Variants in NELL1 observed in about 807,000 individuals in gnomAD.
The protein encoded by NELL1 is neural EGFL like 1.
Under a neutral mutation model 107.4 loss-of-function variants are expected in NELL1, and 76 were observed. That is an observed-to-expected ratio of 0.71 (90% CI 0.59 to 0.86). The LOEUF (loss-of-function observed/expected upper bound fraction) is 0.86, where lower values mean the gene tolerates loss of function less well. NELL1 is among the 40% of genes least tolerant of loss of function. NELL1 has a pLI of 0.00. For synonymous variants in NELL1, 353 were observed against 341.2 expected (o/e 1.03, Z -0.38); for missense variants, 1,024 against 1,005.5 (o/e 1.02, Z -0.25).
intron 14 of NELL1, among the ~76,000 whole-genome samples, chr11:21,237,211 C>A (rs1029667998): frequency 6.6e-6 from 1 of 152,056 alleles, no homozygotes; most frequent in African/African-American, 2.4e-5. Context: ...ACTACCTGTA[C>A]CTTGAGACTG....
chr11:21,244,492 T>G (rs1015965368), intron 14 of NELL1, among the ~76,000 whole-genome samples: 5 of 152,168 alleles, frequency 3.3e-5, no homozygotes, highest in Non-Finnish European at 5.9e-5. Flanking sequence ...AATCTCAATG[T>G]AGACCAAGAT....
intron 3 of NELL1, among the ~76,000 whole-genome samples, chr11:20,806,853 T>G (rs987410233): frequency 3.9e-5 from 6 of 152,180 alleles, no homozygotes; most frequent in African/African-American, 1.4e-4. Flanking sequence ...CATTCTTCAG[T>G]ATGTTAATTA....
chr11:21,030,007 C>T (rs1274664384), intron 12 of NELL1, among the ~76,000 whole-genome samples: 1 of 152,096 alleles, frequency 6.6e-6, no homozygotes, highest in Non-Finnish European at 1.5e-5. Context: ...GAGAGATTGC[C>T]AGTACAGAAG....
intron 12 of NELL1, among the ~76,000 whole-genome samples, chr11:21,019,068 G>A (rs1415252046): frequency 6.6e-6 from 1 of 152,074 alleles, no homozygotes; most frequent in Non-Finnish European, 1.5e-5. Context: ...TAGAGTTTGA[G>A]ATAAAAGGGT....
intron 15 of NELL1, among the ~76,000 whole-genome samples, chr11:21,426,290 GGTTT>G (rs1852820051): frequency 6.6e-6 from 1 of 152,106 alleles, no homozygotes; most frequent in Non-Finnish European, 1.5e-5. Context: ...AATCTACTGG[GGTTT>G]GTTCTGTGTC....
intron 13 of NELL1, among the ~76,000 whole-genome samples, chr11:21,173,015 G>A (rs1248120240): frequency 6.6e-6 from 1 of 151,716 alleles, no homozygotes; most frequent in Admixed American, 6.6e-5. Flanking sequence ...AGGAATAAAA[G>A]AGTTTGAGTT....
intron 14 of NELL1, among the ~76,000 whole-genome samples, chr11:21,312,557 T>C (rs979271930): frequency 3.3e-5 from 5 of 152,272 alleles, no homozygotes; most frequent in Non-Finnish European, 7.4e-5. Context: ...ATTTCATTCT[T>C]ACATCTTTGA....
At chr11:20,728,643 G>T (rs1308028585) in intron 2 of NELL1, among the ~76,000 whole-genome samples, 2 of 151,390 alleles carry the variant, frequency 1.3e-5, no homozygotes, top group East Asian at 1.9e-4. Flanking sequence ...TTATTTCTGG[G>T]TTCTCTATTC....
At chr11:21,178,059 T>G (rs116395015) in intron 13 of NELL1, among the ~76,000 whole-genome samples, 2,425 of 152,004 alleles carry the variant, frequency 0.016, 109 homozygotes, top group African/African-American at 0.054. Flanking sequence ...TTTCTCCAGA[T>G]CTGTCGGTTG....
intron 16 of NELL1, among the ~76,000 whole-genome samples, chr11:21,546,588 T>C (rs1591024756): frequency 6.6e-6 from 1 of 151,946 alleles, no homozygotes; most frequent in East Asian, 1.9e-4. Flanking sequence ...TAAAGGGCAG[T>C]TCCCCTGCAC....
chr11:20,954,990 A>G (rs1851141692), intron 11 of NELL1, among the ~76,000 whole-genome samples: 1 of 152,232 alleles, frequency 6.6e-6, no homozygotes, highest in Admixed American at 6.5e-5. Flanking sequence ...AATACGTGTG[A>G]TAAAGGATGC....
intron 12 of NELL1, among the ~76,000 whole-genome samples, chr11:21,094,553 C>G (rs1424537833): frequency 6.6e-6 from 1 of 152,216 alleles, no homozygotes; most frequent in African/African-American, 2.4e-5. Context: ...GTGTCCTGCC[C>G]CTGCAGCAAA....
chr11:20,714,906 A>G (rs1855204232), intron 2 of NELL1, among the ~76,000 whole-genome samples: 4 of 152,154 alleles, frequency 2.6e-5, no homozygotes, highest in African/African-American at 9.7e-5. Context: ...GTGCATTTAA[A>G]TCAGGAAAAT....
Position 21,139,528 on chromosome 11 carries a change from T to G in NELL1, c.1426+25814T>G, listed in dbSNP as rs747033017. Among the ~76,000 whole-genome samples the G allele has an allele frequency of 2.0e-5, 3 of 152,316 alleles. No homozygotes were observed. The South Asian group carries it at 6.2e-4, about 32-fold the overall frequency. On this transcript the variant is annotated intron_variant, in intron 13 of 19. Transcript: ENST00000357134. ...ATCACTATCCACCACATTACATACT[T>G]TACTCATTTACCTTAATCATGATCT...
At chr11:20,994,300 T>C (rs965242646) in intron 12 of NELL1, among the ~76,000 whole-genome samples, 1 of 152,146 alleles carries the variant, frequency 6.6e-6, no homozygotes, top group Non-Finnish European at 1.5e-5. Context: ...TGAAAAAACA[T>C]GAAGATTCTC....
At chr11:20,676,357 A>G (rs758800320) in intron 1 of NELL1, among the ~76,000 whole-genome samples, 1 of 151,520 alleles carries the variant, frequency 6.6e-6, no homozygotes, top group African/African-American at 2.4e-5. Context: ...CCCTCCCCCA[A>G]CCTAACCCAC....
At chr11:20,897,522 C>G (rs369082820) in intron 5 of NELL1, among the ~76,000 whole-genome samples, 2 of 152,174 alleles carry the variant, frequency 1.3e-5, no homozygotes, top group African/African-American at 4.8e-5. Flanking sequence ...GACTTCATGT[C>G]TAAAACACCA....
intron 16 of NELL1, among the ~76,000 whole-genome samples, chr11:21,545,710 C>A (rs1460749361): frequency 1.3e-5 from 2 of 151,910 alleles, no homozygotes; most frequent in African/African-American, 4.8e-5. Flanking sequence ...TGAGTGAAAA[C>A]AGAATGAGAG....
intron 15 of NELL1, among the ~76,000 whole-genome samples, chr11:21,490,755 G>C (rs560994976): frequency 6.6e-6 from 1 of 151,878 alleles, no homozygotes; most frequent in Non-Finnish European, 1.5e-5. Context: ...ATATGCAAAA[G>C]AATGAAACTA....
Sources: gnomAD v4.1 joint callset for allele counts (sites outside exome capture counted in the v4.1 genomes callset) on GRCh38, gnomAD v4.1.1 for gene constraint, MANE v1.5 for transcripts, NCBI Gene and HGNC (gene_info 2026-07-23, HGNC 2026-07-21) for gene names.